Variants in ROBO2 observed in about 807,000 individuals in gnomAD.
The protein encoded by ROBO2 is roundabout homolog 2.
A neutral mutation model predicts 160.8 loss-of-function variants in ROBO2; 53 were observed. The ratio of observed to expected loss-of-function variants is 0.33; its 90% CI spans 0.26 to 0.41. The LOEUF (loss-of-function observed/expected upper bound fraction) is 0.41, where lower values mean the gene tolerates loss of function less well. Ranked by LOEUF, ROBO2 falls within the 10% of genes least tolerant of loss-of-function variation. The probability of loss-of-function intolerance (pLI) is 1.00; values close to 1 mark genes in which losing one functional copy is unlikely to be tolerated. For synonymous variants in ROBO2, 664 were observed against 611.7 expected (o/e 1.09, Z -1.26); for missense variants, 1,577 against 1,722.4 (o/e 0.92, Z 1.49).
intron 2 of ROBO2, among the ~76,000 whole-genome samples, chr3:77,019,968 G>A (rs2062523151): frequency 6.6e-6 from 1 of 152,150 alleles, no homozygotes; most frequent in Admixed American, 6.5e-5. Flanking sequence ...GAACCTGGTA[G>A]TGAGGTGCCA....
chr3:77,247,625 G>T (rs2089879568), intron 2 of ROBO2, among the ~76,000 whole-genome samples: 1 of 152,048 alleles, frequency 6.6e-6, no homozygotes, highest in African/African-American at 2.4e-5. Flanking sequence ...TTACTACCAG[G>T]AATTCTGAGA....
At chr3:77,378,575 C>A (rs9859662) in intron 2 of ROBO2, among the ~76,000 whole-genome samples, 2 of 151,912 alleles carry the variant, frequency 1.3e-5, no homozygotes, top group Non-Finnish European at 1.5e-5. Flanking sequence ...GTGGTAAAGC[C>A]AGGATTTGAA....
chr3:77,199,063 G>A (rs557548219), intron 2 of ROBO2, among the ~76,000 whole-genome samples: 10 of 152,112 alleles, frequency 6.6e-5, no homozygotes, highest in Non-Finnish European at 1.5e-4. Context: ...AATACAGGGT[G>A]ATACATACAA....
intron 2 of ROBO2, among the ~76,000 whole-genome samples, chr3:76,388,264 T>A (rs189238064): frequency 4.9e-4 from 74 of 151,804 alleles, no homozygotes; most frequent in South Asian, 3.9e-3. Flanking sequence ...GATTGTAAAT[T>A]TACCATTTTT....
intron 1 of ROBO2, among the ~76,000 whole-genome samples, chr3:77,056,905 TA>T (rs199956519): frequency 1.3e-5 from 2 of 150,916 alleles, no homozygotes; most frequent in Non-Finnish European, 3.0e-5. Context: ...TATAATTTTG[TA>T]AAAAAAAAGA....
chr3:76,368,392 T>C (rs2075940741), intron 2 of ROBO2, among the ~76,000 whole-genome samples: 1 of 152,040 alleles, frequency 6.6e-6, no homozygotes, highest in East Asian at 1.9e-4. Context: ...GCTGGGTGAT[T>C]TTTTTTACTC....
At chr3:76,108,272 G>C (rs867444434) in intron 2 of ROBO2, among the ~76,000 whole-genome samples, 2 of 151,974 alleles carry the variant, frequency 1.3e-5, no homozygotes, top group African/African-American at 4.8e-5. Context: ...TATAAATTCT[G>C]AAAGTTTTTA....
rs74597460 is a variant in ROBO2 at position 77,159,179 on chromosome 3, A to G, written c.388+60839A>G. On this transcript the variant is annotated intron_variant, in intron 2 of 25. Coordinates refer to ENST00000461745, the Ensembl canonical transcript of ROBO2. ...CTCCTGCCCATCGGGAGAAGCTCCT[A>G]TTCTCATTAGGGTCCTGTAATGTCT... is the stretch of plus-strand genomic sequence containing the variant. Among the ~76,000 whole-genome samples the G allele has an allele frequency of 4.3e-3, 658 of 152,196 alleles. 3 individuals carry two copies. Among genetic ancestry groups the G allele is most frequent in the African/African-American group, 0.01 (426 of 41,536 alleles).
exon 26 of ROBO2, chr3:77,649,808 T>C (rs1381847534): frequency 6.6e-6 from 1 of 152,030 alleles, no homozygotes; most frequent in Non-Finnish European, 1.5e-5. Flanking sequence ...TAACTGTAGT[T>C]TGTTTAAGTC....
chr3:75,909,670 C>A (rs1361037567), intron 1 of ROBO2, among the ~76,000 whole-genome samples: 1 of 152,176 alleles, frequency 6.6e-6, no homozygotes, highest in Non-Finnish European at 1.5e-5. Flanking sequence ...CTACAAAATA[C>A]TTCAAGCAGT....
rs1214038068 is a variant in ROBO2, at chr3:77,638,696, T to C, written c.3934+3653T>C. Among the ~76,000 whole-genome samples, 4 of 151,872 alleles carry C rather than the reference T, an allele frequency of 2.6e-5. No homozygotes were observed. The East Asian group carries it at 7.8e-4, about 30-fold the overall frequency. On this transcript the variant is annotated intron_variant, in intron 24 of 25. Coordinates refer to ENST00000461745, the Ensembl canonical transcript of ROBO2. ...CAAATCTTGTATTCCATTTGTCTTA[T>C]AAATCAAAGAATACCCTTGGAAGCC...
chr3:76,202,409 A>G (rs919301383), intron 2 of ROBO2, among the ~76,000 whole-genome samples: 1 of 152,210 alleles, frequency 6.6e-6, no homozygotes, highest in African/African-American at 2.4e-5. Context: ...AGATTTATTG[A>G]ATCAACTATT....
chr3:77,602,504 C>G lies in ROBO2; in HGVS notation c.3136+13C>G, dbSNP rs1156417605. 1 of 1,613,600 alleles carries G rather than the reference C, an allele frequency of 6.2e-7. No individual in the cohort carries two copies. The highest frequency in any genetic ancestry group is 1.1e-5 in the South Asian group (1 of 91,052). On this transcript the variant is annotated intron_variant, in intron 20 of 25. Coordinates refer to ENST00000461745, the Ensembl canonical transcript of ROBO2. ...AAAGGTAACAATGGTGAGTCAGGTT[C>G]TTGTGTCCTGAGGAGGTATTTTCAT... is the stretch of plus-strand genomic sequence containing the variant.
intron 2 of ROBO2, among the ~76,000 whole-genome samples, chr3:76,638,149 A>AC (rs1172176958): frequency 1.1e-4 from 16 of 152,148 alleles, no homozygotes; most frequent in Admixed American, 6.5e-4. Flanking sequence ...TGCCTAAATA[A>AC]CCATCTGATG....
intron 12 of ROBO2, among the ~76,000 whole-genome samples, chr3:77,567,197 T>TA (rs2093508926): frequency 6.6e-6 from 1 of 152,018 alleles, no homozygotes; most frequent in Non-Finnish European, 1.5e-5. Context: ...GAAATGTTCT[T>TA]AAAAATACTT....
rs548574479 is a variant in ROBO2 at position 77,369,650 on chromosome 3, A to C, written c.389-107764A>C. Among the ~76,000 whole-genome samples the C allele has an allele frequency of 5.4e-4, 83 of 152,306 alleles. 1 individual carries two copies. In the South Asian group the frequency reaches 0.016, roughly 29 times the overall value. On this transcript the variant is annotated intron_variant, in intron 2 of 25. Transcript: ENST00000461745. Reference sequence around the variant, plus strand: ...AATAAGGGGATAATTTGTGCTCCCAATTAAAGTTTTTTGGACTCTTGATGT... The same window carrying C: ...AATAAGGGGATAATTTGTGCTCCCACTTAAAGTTTTTTGGACTCTTGATGT...
intron 1 of ROBO2, among the ~76,000 whole-genome samples, chr3:75,911,446 G>A (rs553071225): frequency 1.3e-4 from 20 of 152,020 alleles, no homozygotes; most frequent in African/African-American, 4.8e-4. Context: ...AACAGTGCCA[G>A]GTCCAATTAG....
rs2086154732 is a variant in ROBO2, at chr3:77,491,822, AG to A, written c.668-1421del. 2.0e-5 allele frequency among the ~76,000 whole-genome samples: 3 copies of A among 152,186 alleles called. No individual in the cohort carries two copies. The South Asian group carries it at 6.2e-4, about 31-fold the overall frequency. On this transcript the variant is annotated intron_variant, in intron 4 of 25. Transcript: ENST00000461745. ...AGAGTACGGATACTCTAGCATATGC[AG>A]AAAATTTTGATCCCTACTGTCAAAT...
chr3:75,941,063 C>G (rs1948032791), intron 2 of ROBO2, among the ~76,000 whole-genome samples: 2 of 152,126 alleles, frequency 1.3e-5, no homozygotes, highest in South Asian at 4.1e-4. Context: ...TAGCTATGAC[C>G]ACAGGTGTGC....
Sources: allele counts gnomAD v4.1 joint callset (sites outside exome capture counted in the v4.1 genomes callset), GRCh38; gene constraint gnomAD v4.1.1; transcripts MANE v1.5; gene names NCBI Gene and HGNC (gene_info 2026-07-23, HGNC 2026-07-21).